The following QRICH2 variants were observed in gnomAD, a reference collection of about 807,000 sequenced individuals.
QRICH2 encodes the protein glutamine rich 2.
In QRICH2, 119 loss-of-function variants were observed where a neutral mutation model predicts 168.3. The ratio of observed to expected loss-of-function variants is 0.71; its 90% CI spans 0.61 to 0.82. The LOEUF (loss-of-function observed/expected upper bound fraction) is 0.82. Ranked by LOEUF, QRICH2 falls within the 40% of genes least tolerant of loss-of-function variation. The pLI is 0.00. For synonymous variants in QRICH2, 894 were observed against 951.2 expected (o/e 0.94, Z 1.11); for missense variants, 2,241 against 2,491.6 (o/e 0.90, Z 2.14).
rs2071038938 is a variant in QRICH2, at chr17:76,292,959, A to C, written c.1768T>G (p.Leu590Val). The change falls in exon 4 of 19, where the codon TTG becomes GTG. Residue 590 changes from leucine (L) to valine (V), a missense_variant. Around this residue, in one of 3 missense-constraint regions of QRICH2, gnomAD observed 2,047 missense variants for 2,303.8 expected, o/e 0.89. Coordinates refer to ENST00000680821, the MANE Select transcript of QRICH2 (RefSeq NM_001388453.1). The stretch of plus-strand genomic sequence containing the variant: ...CGCTGATCTGCACCAGGTTGGACCA[A>C]GCCAGGCTGATATGCACCACGCTGC... Reference protein sequence around the residue: ...LVQRGAYQPGLVQPGADQRGL... With the variant: ...LVQRGAYQPGVVQPGADQRGL... The C allele has an allele frequency of 6.8e-6, 11 of 1,613,952 alleles. No homozygotes were observed. The highest frequency in any genetic ancestry group is 9.3e-6 in the Non-Finnish European group (11 of 1,180,010).
rs56208916 is a variant in QRICH2 at position 76,289,406 on chromosome 17, C to A, written c.3798+586G>T. On this transcript the variant is annotated intron_variant, in intron 5 of 18. Coordinates refer to ENST00000680821, the MANE Select transcript of QRICH2 (RefSeq NM_001388453.1). ...CTTGCTATGTTGCCCAGGCTGGTCT[C>A]GAGCTCCCGGGCTCAAGTGATCCTC... Among the ~76,000 whole-genome samples, 4 of 151,886 alleles carry A rather than the reference C, an allele frequency of 2.6e-5. 1 individual carries two copies. Among genetic ancestry groups the A allele is most frequent in the Non-Finnish European group, 5.9e-5 (4 of 67,962 alleles).
At position 76,301,911 on chromosome 17, in the gene QRICH2, TGTGTGTGA is replaced by T. The variant is rs1486565805; in HGVS notation, c.705+2496_705+2503del. ...GTGTGTGTGTGTGTGTGTGTGTGTG[TGTGTGTGA>T]GACAGAGTCTCACTCTGTCAGCTAG... On this transcript the variant is annotated intron_variant, in intron 3 of 18. Transcript: ENST00000680821. 2.6e-3 allele frequency among the ~76,000 whole-genome samples: 328 copies of T among 127,440 alleles called. 2 individuals are homozygous for T. Among genetic ancestry groups the T allele is most frequent in the South Asian group, 7.8e-3 (31 of 3,996 alleles). 83.6% of individuals were successfully genotyped at this position (127,440 alleles called of 152,430 possible).
In QRICH2 at chr17:76,282,041, C is replaced by CG; in HGVS notation, c.4085dup (p.His1363AlafsTer14). 6.2e-7 allele frequency: 1 copy of CG among 1,613,374 alleles called. No individual in the cohort carries two copies. Among genetic ancestry groups the CG allele is most frequent in the Non-Finnish European group, 8.5e-7 (1 of 1,179,610 alleles). On this transcript the variant is annotated frameshift_variant, in exon 8 of 19. Transcript: ENST00000680821. LOFTEE classifies it high-confidence loss of function. ...CAGGAGCCAAGGTGTGGGCCTTGTG[C>CG]GGGGCCATGCTCATGGACAGGAGCG...
chr17:76,279,187 G>T, intron 13 of QRICH2, 45 bp from the exon 14 acceptor site: 1 of 1,504,948 alleles, frequency 6.6e-7, no homozygotes, highest in Non-Finnish European at 9.1e-7. Flanking sequence ...AGTGGGACAA[G>T]TCCGGTCCCC....
In QRICH2 at chr17:76,279,439, T is replaced by TGGGACGC; in HGVS notation, c.4749-18_4749-12dup. ...TGTGCCAGGAGCTGCCTGTTAGGAA[T>TGGGACGC]GGGACGCACACGCAGGGTGAGTGCT... On this transcript the variant is annotated splice_polypyrimidine_tract_variant and intron_variant, in intron 12 of 18. Coordinates refer to ENST00000680821, the MANE Select transcript of QRICH2 (RefSeq NM_001388453.1). The TGGGACGC allele has an allele frequency of 6.2e-7, 1 of 1,606,788 alleles. No individual in the cohort carries two copies. Among genetic ancestry groups the TGGGACGC allele is most frequent in the Non-Finnish European group, 8.5e-7 (1 of 1,176,542 alleles).
In QRICH2 at chr17:76,307,346, C is replaced by T. The variant is rs1165479401; in HGVS notation, c.534+119G>A. The stretch of plus-strand genomic sequence containing the variant: ...CACTGAGGTCTGGCACCTCCTCGGT[C>T]CCCATCCCCTCCGTCCCCACCACCG... On this transcript the variant is annotated intron_variant, in intron 1 of 18. Transcript: ENST00000680821. This position sits in a 1 kb window ranked among gnomAD's most constrained non-coding sequence, Gnocchi z 5.3. 2.8e-6 allele frequency: 3 copies of T among 1,069,198 alleles called. No individual in the cohort carries two copies. Among genetic ancestry groups the T allele is most frequent in the Admixed American group, 2.0e-5 (1 of 49,954 alleles). 66.2% of individuals were successfully genotyped at this position (1,069,198 alleles called of 1,614,324 possible).
In QRICH2 at chr17:76,291,456, G is replaced by A; in HGVS notation, c.3271C>T (p.Pro1091Ser). ...GCATGGCCATGCTGAGCTGCATCTG[G>A]GTATACCTGGTCATGCTCACCTGGG... ...PGPGEHDQVYPDAAQHGHAFS... is the reference protein window; with the variant it reads ...PGPGEHDQVYSDAAQHGHAFS... Residue 1091 changes from proline to serine, a missense_variant, in exon 4 of 19, where the codon CCA becomes TCA. Coordinates refer to ENST00000680821, the MANE Select transcript of QRICH2 (RefSeq NM_001388453.1). 1 of 1,614,108 alleles carries A rather than the reference G, an allele frequency of 6.2e-7. No individual in the cohort carries two copies. Among genetic ancestry groups the A allele is most frequent in the Non-Finnish European group, 8.5e-7 (1 of 1,180,006 alleles).
At position 76,291,079 on chromosome 17, in the gene QRICH2, A is replaced by G. The variant is rs1376225793; in HGVS notation, c.3648T>C (p.Asp1216=). 6.2e-7 allele frequency: 1 copy of G among 1,613,954 alleles called. No individual in the cohort carries two copies. The highest frequency in any genetic ancestry group is 8.5e-7 in the Non-Finnish European group (1 of 1,179,996). ...LYVGLKESMK[D]LDEEQAGQTD... is the part of the protein sequence containing the mutation. ...TTTGGCCGGCCTGCTCCTCATCCAG[A>G]TCCTTCATACTCTCCTTTAGCCCCA... Residue 1216 remains aspartate (D), a synonymous_variant, in exon 4 of 19, where the codon GAT becomes GAC. Coordinates refer to ENST00000680821, the MANE Select transcript of QRICH2 (RefSeq NM_001388453.1).
At chr17:76,288,669 C>T (rs965852419) in intron 5 of QRICH2, among the ~76,000 whole-genome samples, 3 of 150,898 alleles carry the variant, frequency 2.0e-5, no homozygotes, top group African/African-American at 7.3e-5. Context: ...CGCATCATTG[C>T]ACTCTAGCCT....
At chr17:76,288,843 G>A (rs886967513) in intron 5 of QRICH2, among the ~76,000 whole-genome samples, 1 of 151,430 alleles carries the variant, frequency 6.6e-6, no homozygotes, top group Non-Finnish European at 1.5e-5. Context: ...GGTGGCTCAC[G>A]CCTGTAATCC....
At chr17:76,275,197 G>C (rs1256732897) in intron 18 of QRICH2, among the ~76,000 whole-genome samples, 1 of 152,108 alleles carries the variant, frequency 6.6e-6, no homozygotes, top group African/African-American at 2.4e-5. Flanking sequence ...GATTCTTGGG[G>C]GGGGCCTGAC....
rs367985186 is a variant in QRICH2, at chr17:76,280,505, C to A, written c.4462-54G>T. ...ATCTGGGAGATGGCCATGGAGGGGC[C>A]CCATTCCCTGGGGGTGTCGACCCCT... On this transcript the variant is annotated intron_variant, in intron 10 of 18. Coordinates refer to ENST00000680821, the MANE Select transcript of QRICH2 (RefSeq NM_001388453.1). The surrounding 1 kb of genome is among the most constrained non-coding windows in gnomAD (Gnocchi z 7.4). The A allele has an allele frequency of 2.7e-5, 43 of 1,603,244 alleles. No homozygotes were observed. The highest frequency in any genetic ancestry group is 1.6e-4 in the East Asian group (7 of 44,832).
intron 7 of QRICH2, 56 bp from the exon 8 acceptor site, chr17:76,282,171 C>T: frequency 6.5e-7 from 1 of 1,539,056 alleles, no homozygotes; most frequent in Non-Finnish European, 8.8e-7. Flanking sequence ...CGGCCACGCT[C>T]TGCCCATGCT....
chr17:76,302,581 A>C (rs2070924654), intron 3 of QRICH2, among the ~76,000 whole-genome samples: 1 of 152,146 alleles, frequency 6.6e-6, no homozygotes, highest in Non-Finnish European at 1.5e-5. Context: ...AGGAGGCTGA[A>C]GCTGATATGG....
chr17:76,280,143 C>T lies in QRICH2; in HGVS notation c.4638G>A (p.Leu1546=). ...LTEMDNKLDR[L]ELDPVKQLLE... The stretch of plus-strand genomic sequence containing the variant: ...GCAACTGCTTCACTGGGTCCAGCTC[C>T]AGGCGGTCCAGCTGTGGCGGGGAAA... The change falls in exon 12 of 19, where the codon CTG becomes CTA. Residue 1546 remains leucine (L), a synonymous_variant. Coordinates refer to ENST00000680821, the MANE Select transcript of QRICH2 (RefSeq NM_001388453.1). This position sits in a 1 kb window ranked among gnomAD's most constrained non-coding sequence, Gnocchi z 7.4. 1 of 1,613,846 alleles carries T rather than the reference C, an allele frequency of 6.2e-7. No homozygotes were observed. Among genetic ancestry groups the T allele is most frequent in the Non-Finnish European group, 8.5e-7 (1 of 1,179,946 alleles).
At chr17:76,305,637 A>G (rs1222283039) in intron 1 of QRICH2, among the ~76,000 whole-genome samples, 1 of 152,114 alleles carries the variant, frequency 6.6e-6, no homozygotes, top group Non-Finnish European at 1.5e-5. Context: ...CCACTTGTGA[A>G]AGCCTGTAGG....
At chr17:76,290,168 C>T in intron 4 of QRICH2, 91 bp from the exon 5 acceptor site, 2 of 892,550 alleles carry the variant, frequency 2.2e-6, no homozygotes, top group South Asian at 1.4e-5. Flanking sequence ...CTGAAGCTAC[C>T]CTAGAGGACA....
At chr17:76,286,912 T>C (rs1267862277) in intron 7 of QRICH2, among the ~76,000 whole-genome samples, 1 of 147,568 alleles carries the variant, frequency 6.8e-6, no homozygotes, top group African/African-American at 2.5e-5. Flanking sequence ...AAAGATCGAA[T>C]GGGAGGTAAA....
chr17:76,301,389 A>G (rs2070895363), intron 3 of QRICH2: 3 of 211,730 alleles, frequency 1.4e-5, no homozygotes. Flanking sequence ...GCAACATGAC[A>G]ACACCTTGTC....
Sources: gnomAD v4.1 joint callset for allele counts (sites outside exome capture counted in the v4.1 genomes callset) on GRCh38, gnomAD v4.1.1 for gene constraint, gnomAD v4.1.1 regional missense constraint, Gnocchi (gnomAD v3.1) non-coding constraint, MANE v1.5 for transcripts, NCBI Gene and HGNC (gene_info 2026-07-23, HGNC 2026-07-21) for gene names.